The following DCAF8L2 variants were observed in gnomAD, a reference collection of about 807,000 sequenced individuals.
The protein encoded by DCAF8L2 is DDB1 and CUL4 associated factor 8 like 2, also known as DDB1- and CUL4-associated factor 8-like protein 2.
For missense variants in DCAF8L2, 430 were observed against 490.7 expected (o/e 0.88, Z 1.17); for synonymous variants, 200 against 190.9 (o/e 1.05, Z -0.39).
chrX:27,517,699 G>A, the DCAF8L2 span: 2 of 877,745 alleles, frequency 2.3e-6, no homozygotes. Flanking sequence ...CACCGTATCC[G>A]CAAAGGCCTG....
At chrX:27,726,588 C>T (rs901330320) in intron 4 of DCAF8L2, among the ~76,000 whole-genome samples, 4 of 111,400 alleles carry the variant, frequency 3.6e-5, no homozygotes, top group African/African-American at 1.3e-4. Context: ...ACTCCCTCCC[C>T]TCTCTGAAAA....
the DCAF8L2 span, among the ~76,000 whole-genome samples, chrX:27,510,782 T>A: frequency 9.0e-6 from 1 of 110,967 alleles, no homozygotes; most frequent in Non-Finnish European, 1.9e-5. Context: ...GCTCAATATT[T>A]TATTGGCTTG....
the DCAF8L2 span, among the ~76,000 whole-genome samples, chrX:27,555,294 T>A: frequency 8.9e-6 from 1 of 112,296 alleles, no homozygotes; most frequent in Non-Finnish European, 1.9e-5. Context: ...TATAGAGGCA[T>A]GCAGATTGAC....
chrX:27,564,256 A>G, the DCAF8L2 span, among the ~76,000 whole-genome samples: 1 of 110,792 alleles, frequency 9.0e-6, no homozygotes, highest in Admixed American at 9.6e-5. Flanking sequence ...AGAACGCACT[A>G]TCACGAGAAA....
At chrX:27,682,223 C>A (rs1460010275) in intron 3 of DCAF8L2, among the ~76,000 whole-genome samples, 1 of 111,758 alleles carries the variant, frequency 8.9e-6, no homozygotes, top group Non-Finnish European at 1.9e-5. Context: ...CCTCGTCCTC[C>A]CAAAGTGTTG....
At chrX:27,501,956 G>T in the DCAF8L2 span, among the ~76,000 whole-genome samples, 1 of 110,235 alleles carries the variant, frequency 9.1e-6, no homozygotes, top group Admixed American at 9.8e-5. Context: ...AGGCACTGGG[G>T]CAAGGAATAT....
chrX:27,606,552 G>C (rs1339338546), intron 1 of DCAF8L2, among the ~76,000 whole-genome samples: 3 of 104,305 alleles, frequency 2.9e-5, no homozygotes, highest in Non-Finnish European at 3.9e-5. Flanking sequence ...TGTATTTTTA[G>C]TAGAGACGGG....
At chrX:27,597,730 A>G (rs888816845) in intron 1 of DCAF8L2, among the ~76,000 whole-genome samples, 32 of 112,275 alleles carry the variant, frequency 2.9e-4, no homozygotes, top group African/African-American at 1.0e-3. Flanking sequence ...CAATTCTGCA[A>G]TATATCACTG....
intron 2 of DCAF8L2, among the ~76,000 whole-genome samples, chrX:27,659,803 G>A (rs1328249281): frequency 9.1e-6 from 1 of 109,943 alleles, no homozygotes. Flanking sequence ...TCTCTTTGTT[G>A]AATTTCTCAT....
chrX:27,619,374 AATAG>A (rs772389998), intron 1 of DCAF8L2, among the ~76,000 whole-genome samples: 8 of 110,951 alleles, frequency 7.2e-5, no homozygotes, highest in Non-Finnish European at 1.1e-4. Context: ...TCAGACAAAT[AATAG>A]ATAGATAGAT....
In DCAF8L2 at chrX:27,614,920, C is replaced by T. The variant is rs144948476; in HGVS notation, c.-341-16959C>T. On this transcript the variant is annotated intron_variant, in intron 1 of 4. Transcript: ENST00000451261. ...AGTTCAGATTCTATAGGAAACGTTC[C>T]ATACCCCGAGACACTGCTTTAGCCC... Among the ~76,000 whole-genome samples the T allele has an allele frequency of 2.5e-3, 279 of 111,002 alleles. 1 individual carries two copies. The highest frequency in any genetic ancestry group is 8.6e-3 in the African/African-American group (264 of 30,594).
intron 3 of DCAF8L2, among the ~76,000 whole-genome samples, chrX:27,683,372 A>C (rs1336003217): frequency 8.9e-6 from 1 of 111,896 alleles, no homozygotes; most frequent in Non-Finnish European, 1.9e-5. Context: ...GGAAGTGAAT[A>C]GTATTTGCTC....
the DCAF8L2 span, among the ~76,000 whole-genome samples, chrX:27,533,223 A>G: frequency 7.1e-5 from 3 of 42,381 alleles, no homozygotes; most frequent in Admixed American, 6.4e-4. Context: ...AGAAAGAAAG[A>G]AAGAAAGAAA....
chrX:27,726,075 A>G (rs1175750849), intron 4 of DCAF8L2, among the ~76,000 whole-genome samples: 2 of 111,594 alleles, frequency 1.8e-5, no homozygotes, highest in African/African-American at 6.5e-5. Context: ...CACAAGCTTG[A>G]TAACTTATAT....
At chrX:27,560,231 C>T in the DCAF8L2 span, among the ~76,000 whole-genome samples, 1 of 103,403 alleles carries the variant, frequency 9.7e-6, no homozygotes, top group Non-Finnish European at 2.0e-5. Flanking sequence ...CATGCCACTG[C>T]ACTCCAGCCT....
At chrX:27,490,996 T>C in the DCAF8L2 span, among the ~76,000 whole-genome samples, 1 of 112,024 alleles carries the variant, frequency 8.9e-6, no homozygotes, top group Non-Finnish European at 1.9e-5. Flanking sequence ...AATCTTCATA[T>C]AGCCTGGACT....
the DCAF8L2 span, among the ~76,000 whole-genome samples, chrX:27,528,497 TATATAC>T: frequency 4.8e-5 from 5 of 103,197 alleles, no homozygotes; most frequent in African/African-American, 1.4e-4. Flanking sequence ...TATATATATA[TATATAC>T]ACACACACAC....
At chrX:27,478,530 G>A in the DCAF8L2 span, among the ~76,000 whole-genome samples, 1 of 111,857 alleles carries the variant, frequency 8.9e-6, no homozygotes, top group African/African-American at 3.2e-5. Context: ...GAGTTGTAAA[G>A]GACTTCTCAA....
rs750041880 is a variant in DCAF8L2, at chrX:27,701,773, G to T, written c.-142-14315G>T. Among the ~76,000 whole-genome samples the T allele has an allele frequency of 5.4e-5, 6 of 110,164 alleles. No individual in the cohort carries two copies. The East Asian group carries it at 8.6e-4, about 16-fold the overall frequency. ...TTAAATAAGAAGAAACTCTCAAATC[G>T]GTAACATAAACTTCCACATTGAGAA... On this transcript the variant is annotated intron_variant, in intron 3 of 4. Coordinates refer to ENST00000451261, the MANE Select transcript of DCAF8L2 (RefSeq NM_001353450.2).
Sources: allele counts gnomAD v4.1 joint callset (sites outside exome capture counted in the v4.1 genomes callset), GRCh38; gene constraint gnomAD v4.1.1; transcripts MANE v1.5; gene names NCBI Gene and HGNC (gene_info 2026-07-23, HGNC 2026-07-21).